The following PRKCB variants were observed in gnomAD, a reference collection of about 807,000 sequenced individuals.
PRKCB encodes the protein protein kinase C beta type.
Under a neutral mutation model 81.5 loss-of-function variants are expected in PRKCB, and 13 were observed. The ratio of observed to expected loss-of-function variants is 0.16; its 90% CI spans 0.10 to 0.25. The LOEUF is 0.25. Ranked by LOEUF, PRKCB falls within the 10% of genes least tolerant of loss-of-function variation. The pLI is 1.00. For synonymous variants in PRKCB, 335 were observed against 321.4 expected (o/e 1.04, Z -0.45); for missense variants, 509 against 875.7 (o/e 0.58, Z 5.29).
chr16:23,894,180 T>C (rs1037677621), intron 2 of PRKCB, among the ~76,000 whole-genome samples: 1 of 152,230 alleles, frequency 6.6e-6, no homozygotes, highest in Non-Finnish European at 1.5e-5. Context: ...AGGCAAACCC[T>C]GATGCACAAA....
intron 2 of PRKCB, among the ~76,000 whole-genome samples, chr16:23,973,507 T>C (rs939802923): frequency 2.0e-5 from 3 of 151,954 alleles, no homozygotes; most frequent in African/African-American, 7.3e-5. Context: ...TAATGTGTTG[T>C]CACATTTAAT....
intron 5 of PRKCB, among the ~76,000 whole-genome samples, chr16:24,089,906 C>G (rs1476927965): frequency 6.6e-6 from 1 of 151,948 alleles, no homozygotes; most frequent in African/African-American, 2.4e-5. Context: ...TTTTAAGTTC[C>G]AGGTTCTGTG....
chr16:23,924,015 G>A (rs1197501874), intron 2 of PRKCB, among the ~76,000 whole-genome samples: 1 of 152,088 alleles, frequency 6.6e-6, no homozygotes, highest in African/African-American at 2.4e-5. Context: ...ATTGTGATAT[G>A]ATTAGACTTT....
intron 2 of PRKCB, among the ~76,000 whole-genome samples, chr16:23,952,417 A>G (rs563759483): frequency 1.3e-5 from 2 of 152,266 alleles, no homozygotes; most frequent in South Asian, 2.1e-4. Flanking sequence ...GCTTTAAAAA[A>G]TCTCTCAGAG....
Position 24,185,117 on chromosome 16 carries a change from G to T in PRKCB, c.1540G>T (p.Ala514Ser), listed in dbSNP as rs1395078294. The change falls in exon 14 of 17, where the codon GCT (alanine) becomes TCT (serine). Residue 514 changes from alanine to serine, a missense_variant. Physicochemically the swap from Ala to Ser is moderately conservative, Grantham distance 99. This residue lies in a region of PRKCB where 106 missense variants were observed against 214.0 expected (regional missense o/e 0.50). Coordinates refer to ENST00000643927, the MANE Select transcript of PRKCB (RefSeq NM_002738.7). ...GGTGCCTTCTCTTTTCTAGATAATT[G>T]CTTATCAGCCCTATGGGAAGTCCGT... is the stretch of plus-strand genomic sequence containing the variant. ...TPDYIAPEIIAYQPYGKSVDW... is the reference protein window; with the variant it reads ...TPDYIAPEIISYQPYGKSVDW... The T allele has an allele frequency of 1.2e-6, 2 of 1,613,898 alleles. No homozygotes were observed. Among genetic ancestry groups the T allele is most frequent in the Non-Finnish European group, 8.5e-7 (1 of 1,179,824 alleles).
intron 9 of PRKCB, among the ~76,000 whole-genome samples, chr16:24,154,137 A>G (rs748045255): frequency 2.6e-5 from 4 of 152,172 alleles, no homozygotes; most frequent in African/African-American, 4.8e-5. Context: ...AGGGATCAAT[A>G]TACAATCATC....
At chr16:24,070,023 G>A (rs939681985) in intron 5 of PRKCB, among the ~76,000 whole-genome samples, 5 of 152,224 alleles carry the variant, frequency 3.3e-5, no homozygotes, top group African/African-American at 9.6e-5. Context: ...TTACAGCAAA[G>A]TGTTAGGACT....
At chr16:24,183,023 ATT>A (rs957593072) in intron 13 of PRKCB, among the ~76,000 whole-genome samples, 1 of 151,540 alleles carries the variant, frequency 6.6e-6, no homozygotes, top group African/African-American at 2.4e-5. Context: ...CGCCCAGCTA[ATT>A]TTTTTTGTAT....
chr16:24,082,791 A>G (rs1038232510), intron 5 of PRKCB, among the ~76,000 whole-genome samples: 2 of 152,176 alleles, frequency 1.3e-5, no homozygotes, highest in African/African-American at 4.8e-5. Flanking sequence ...TAGTTATACA[A>G]AGAGTTCTTA....
At chr16:24,085,282 G>A (rs1450100337) in intron 5 of PRKCB, among the ~76,000 whole-genome samples, 3 of 152,110 alleles carry the variant, frequency 2.0e-5, no homozygotes, top group Non-Finnish European at 4.4e-5. Flanking sequence ...GTCATAAGAA[G>A]AATGGATGAT....
At chr16:23,951,936 C>T (rs1164537007) in intron 2 of PRKCB, among the ~76,000 whole-genome samples, 2 of 152,096 alleles carry the variant, frequency 1.3e-5, no homozygotes, top group East Asian at 3.8e-4. Flanking sequence ...TGATATATCA[C>T]ATTGATTGGT....
chr16:24,135,310 CTT>C (rs33975464), intron 9 of PRKCB, among the ~76,000 whole-genome samples: 2 of 112,244 alleles, frequency 1.8e-5, no homozygotes, highest in African/African-American at 3.5e-5. Context: ...CTCAGTGTCC[CTT>C]TTTTTTTTTT....
chr16:23,865,070 A>C (rs912168826), intron 2 of PRKCB, among the ~76,000 whole-genome samples: 2 of 152,128 alleles, frequency 1.3e-5, no homozygotes, highest in African/African-American at 4.8e-5. Context: ...CAATCCAAAT[A>C]AGCACAATCA....
At chr16:24,144,908 C>G (rs796532515) in intron 9 of PRKCB, among the ~76,000 whole-genome samples, 4 of 152,162 alleles carry the variant, frequency 2.6e-5, no homozygotes, top group African/African-American at 9.7e-5. Context: ...AAGAAAATGC[C>G]TGCCCTCATG....
intron 5 of PRKCB, among the ~76,000 whole-genome samples, chr16:24,071,475 T>G (rs1382258666): frequency 1.4e-5 from 2 of 143,070 alleles, no homozygotes; most frequent in African/African-American, 5.3e-5. Flanking sequence ...CAAACAGGAC[T>G]GGGGAAAAGG....
At chr16:24,165,879 CTTTCTTT>C (rs1967335635) in intron 10 of PRKCB, among the ~76,000 whole-genome samples, 1 of 101,170 alleles carries the variant, frequency 9.9e-6, no homozygotes, top group Non-Finnish European at 2.1e-5. Flanking sequence ...TCTTTTCTTT[CTTTCTTT>C]TTTTTTTTTT....
At chr16:23,867,367 C>T (rs12920718) in intron 2 of PRKCB, among the ~76,000 whole-genome samples, 72,958 of 152,002 alleles carry the variant, frequency 0.48, 18,275 homozygotes, top group East Asian at 0.62. Flanking sequence ...GGTGATCCAC[C>T]GGCCTCGGCC....
At chr16:24,119,596 A>ATGGGG (rs200621064) in intron 8 of PRKCB, among the ~76,000 whole-genome samples, 1 of 43,426 alleles carries the variant, frequency 2.3e-5, no homozygotes, top group Non-Finnish European at 3.6e-5. Flanking sequence ...TGCTAAGGTG[A>ATGGGG]TGGGGCAGCA....
intron 3 of PRKCB, among the ~76,000 whole-genome samples, chr16:23,995,435 T>A (rs1964942523): frequency 6.6e-6 from 1 of 152,138 alleles, no homozygotes; most frequent in African/African-American, 2.4e-5. Flanking sequence ...ATAGGTGAAT[T>A]GAAGCACAAG....
Sources: allele counts gnomAD v4.1 joint callset (sites outside exome capture counted in the v4.1 genomes callset), GRCh38; gene constraint gnomAD v4.1.1; regional missense constraint gnomAD v4.1.1; transcripts MANE v1.5; gene names NCBI Gene and HGNC (gene_info 2026-07-23, HGNC 2026-07-21).